The following ITPR2 variants were observed in gnomAD, a reference collection of about 807,000 sequenced individuals.
The protein encoded by ITPR2 is inositol 1,4,5-trisphosphate-gated calcium channel ITPR2.
Under a neutral mutation model 317.1 loss-of-function variants are expected in ITPR2, and 207 were observed. The ratio of observed to expected loss-of-function variants is 0.65; its 90% CI spans 0.58 to 0.73. ITPR2 has a LOEUF of 0.73. Ranked by LOEUF, ITPR2 falls within the 30% of genes least tolerant of loss-of-function variation. The pLI, the probability that ITPR2 is intolerant of heterozygous loss-of-function variation, is 0.00. For synonymous variants in ITPR2, 1,156 were observed against 1,149.1 expected (o/e 1.01, Z -0.12); for missense variants, 2,613 against 3,284.0 (o/e 0.80, Z 4.99).
chr12:26,355,724 C>T (rs996776372), intron 55 of ITPR2, among the ~76,000 whole-genome samples: 1 of 152,082 alleles, frequency 6.6e-6, no homozygotes, highest in Non-Finnish European at 1.5e-5. Context: ...CTAGAAAATC[C>T]CTATTTTTTC....
chr12:26,663,621 T>C (rs1947551422), intron 15 of ITPR2, 64 bp downstream of exon 15: 13 of 1,408,896 alleles, frequency 9.2e-6, no homozygotes, highest in Non-Finnish European at 1.1e-5. Context: ...TGTAGAATTA[T>C]AACCAAAGAA....
intron 1 of ITPR2, among the ~76,000 whole-genome samples, chr12:26,804,539 A>C (rs1038404877): frequency 6.6e-6 from 1 of 152,142 alleles, no homozygotes; most frequent in South Asian, 2.1e-4. Context: ...AGGAAATAAA[A>C]ACAAGCAGAA....
intron 2 of ITPR2, among the ~76,000 whole-genome samples, chr12:26,752,621 G>A (rs1949445377): frequency 6.6e-6 from 1 of 152,144 alleles, no homozygotes; most frequent in Non-Finnish European, 1.5e-5. Context: ...CATAAAAAAG[G>A]GCAAGCTGCT....
chr12:26,526,227 T>C (rs1289866211), intron 37 of ITPR2, among the ~76,000 whole-genome samples: 3 of 152,146 alleles, frequency 2.0e-5, no homozygotes, highest in Non-Finnish European at 2.9e-5. Context: ...TGAATAAATG[T>C]TGTAATAGAG....
At chr12:26,670,414 A>G (rs1236234331) in intron 13 of ITPR2, among the ~76,000 whole-genome samples, 1 of 152,046 alleles carries the variant, frequency 6.6e-6, no homozygotes, top group African/African-American at 2.4e-5. Flanking sequence ...TTATACAAAC[A>G]CCGCTGCTGA....
At chr12:26,808,899 C>A (rs1592150033) in intron 1 of ITPR2, among the ~76,000 whole-genome samples, 1 of 152,192 alleles carries the variant, frequency 6.6e-6, no homozygotes, top group East Asian at 1.9e-4. Flanking sequence ...CACGCCTTTA[C>A]AATACGTTAT....
intron 37 of ITPR2, among the ~76,000 whole-genome samples, chr12:26,542,713 A>G (rs1325617748): frequency 3.3e-5 from 5 of 152,234 alleles, no homozygotes; most frequent in African/African-American, 1.2e-4. Flanking sequence ...GATAGATGGT[A>G]TTTTAAATCT....
At chr12:26,768,456 T>A (rs1211574598) in intron 2 of ITPR2, among the ~76,000 whole-genome samples, 19 of 106,376 alleles carry the variant, frequency 1.8e-4, no homozygotes, top group African/African-American at 4.8e-4. Context: ...AAATAAAAAA[T>A]AAAAAAATAA....
At chr12:26,659,807 T>C (rs1947455550) in intron 15 of ITPR2, among the ~76,000 whole-genome samples, 1 of 152,252 alleles carries the variant, frequency 6.6e-6, no homozygotes, top group Non-Finnish European at 1.5e-5. Flanking sequence ...ACATGAGATC[T>C]GGGTTGTTAC....
chr12:26,729,269 C>T (rs1201457545), intron 2 of ITPR2, among the ~76,000 whole-genome samples: 1 of 152,098 alleles, frequency 6.6e-6, no homozygotes, highest in Admixed American at 6.6e-5. Flanking sequence ...GAGATACTAT[C>T]TCACATCAGT....
chr12:26,472,980 A>C (rs542094234), intron 45 of ITPR2, among the ~76,000 whole-genome samples: 18 of 151,986 alleles, frequency 1.2e-4, no homozygotes, highest in Non-Finnish European at 2.5e-4. Flanking sequence ...TCCACCTTCC[A>C]GGTTCAAGTG....
intron 55 of ITPR2, among the ~76,000 whole-genome samples, chr12:26,380,373 T>C (rs1433585260): frequency 1.3e-5 from 2 of 152,112 alleles, no homozygotes; most frequent in Non-Finnish European, 2.9e-5. Context: ...ATAGTGACAA[T>C]AAAAATCCAG....
intron 2 of ITPR2, among the ~76,000 whole-genome samples, chr12:26,773,671 A>G (rs529660618): frequency 1.3e-5 from 2 of 152,354 alleles, no homozygotes; most frequent in East Asian, 3.9e-4. Context: ...CTTCCAAAAC[A>G]GTCCTACTTT....
At chr12:26,620,605 TA>T (rs1946469509) in intron 26 of ITPR2, among the ~76,000 whole-genome samples, 2 of 152,172 alleles carry the variant, frequency 1.3e-5, no homozygotes, top group Admixed American at 1.3e-4. Context: ...ATTAACACAC[TA>T]AAAAAGCCAA....
At chr12:26,614,932 C>A (rs1946343298) in intron 26 of ITPR2, among the ~76,000 whole-genome samples, 1 of 152,082 alleles carries the variant, frequency 6.6e-6, no homozygotes, top group Non-Finnish European at 1.5e-5. Context: ...AAAGAATGAA[C>A]CTTAATAAAT....
rs139706418 is a variant in ITPR2, at chr12:26,430,271, C to G, written c.6770-2183G>C. ...TCTCTCTGACAAACTCTAGAGAAGACAGTACAGATTTTCTTTGAGTCTTGC... is the reference window on the plus strand; with the variant it reads ...TCTCTCTGACAAACTCTAGAGAAGAGAGTACAGATTTTCTTTGAGTCTTGC... On this transcript the variant is annotated intron_variant, in intron 48 of 56. Transcript: ENST00000381340. Among the ~76,000 whole-genome samples the G allele has an allele frequency of 9.0e-4, 137 of 152,300 alleles. 1 individual carries two copies. Among genetic ancestry groups the G allele is most frequent in the Middle Eastern group, 3.4e-3 (1 of 294 alleles).
intron 23 of ITPR2, among the ~76,000 whole-genome samples, chr12:26,624,955 A>C (rs1168579685): frequency 6.6e-6 from 1 of 152,152 alleles, no homozygotes; most frequent in Non-Finnish European, 1.5e-5. Flanking sequence ...TCAACAGACA[A>C]ATGGATAAAG....
intron 36 of ITPR2, among the ~76,000 whole-genome samples, chr12:26,554,154 C>A (rs180869981): frequency 1.3e-5 from 2 of 152,308 alleles, no homozygotes; most frequent in African/African-American, 4.8e-5. Flanking sequence ...ATAACACTTT[C>A]TCATAGACCA....
At chr12:26,479,580 T>G (rs1432182741) in intron 43 of ITPR2, among the ~76,000 whole-genome samples, 1 of 152,178 alleles carries the variant, frequency 6.6e-6, no homozygotes, top group Non-Finnish European at 1.5e-5. Flanking sequence ...CAACAAAAAT[T>G]TTTCTAATAA....
Sources: allele counts gnomAD v4.1 joint callset (sites outside exome capture counted in the v4.1 genomes callset), GRCh38; gene constraint gnomAD v4.1.1; transcripts MANE v1.5; gene names NCBI Gene and HGNC (gene_info 2026-07-23, HGNC 2026-07-21).